DIP2A: variants seen among roughly 807,000 people sequenced by gnomAD.
The protein encoded by DIP2A is disco-interacting protein 2 homolog A.
In DIP2A, 85 loss-of-function variants were observed where a neutral mutation model predicts 177.4. The ratio of observed to expected loss-of-function variants is 0.48; its 90% CI spans 0.40 to 0.57. The LOEUF (loss-of-function observed/expected upper bound fraction) is 0.57. Among genes scored for constraint, DIP2A ranks in the 20% least tolerant of loss-of-function variants. The pLI is 0.00. For missense variants in DIP2A, 1,791 were observed against 2,100.2 expected, an observed-to-expected ratio of 0.85 and a Z score of 2.88; for synonymous variants, 886 against 881.8, an observed-to-expected ratio of 1.00 and a Z score of -0.08.
Position 46,554,553 on chromosome 21 carries a change from C to T in DIP2A, c.3155-22C>T, listed in dbSNP as rs749222227. The T allele has an allele frequency of 5.9e-5, 95 of 1,608,478 alleles. 1 individual carries two copies. In the South Asian group the frequency reaches 9.7e-4, roughly 17 times the overall value. On this transcript the variant is annotated intron_variant, in intron 26 of 37. Coordinates refer to ENST00000417564, the MANE Select transcript of DIP2A (RefSeq NM_015151.4). Reference sequence around the variant, plus strand: ...GAGCCTCTTGCGGCCGGCCTCCTCACAGCCAGTCCTTGTCTCCACAGGGGT... The same window carrying T: ...GAGCCTCTTGCGGCCGGCCTCCTCATAGCCAGTCCTTGTCTCCACAGGGGT...
intron 31 of DIP2A, 98 bp from the exon 32 acceptor site, chr21:46,558,125 C>T (rs2060532789): frequency 2.3e-6 from 3 of 1,304,762 alleles, no homozygotes; most frequent in African/African-American, 1.5e-5. Context: ...TCCAGCTCCA[C>T]CTCTGTGTGC....
intron 24 of DIP2A, 23 bp downstream of exon 24, chr21:46,551,766 G>T: frequency 2.5e-6 from 4 of 1,613,530 alleles, no homozygotes; most frequent in South Asian, 1.1e-5. Context: ...TTCCGGGGAC[G>T]GGTGGACGGG....
Position 46,568,039 on chromosome 21 carries a change from G to A in DIP2A, c.*417G>A, listed in dbSNP as rs1036534001. ...TGACAAGTTCATATATAGAATTTAC[G>A]GGAGAAACTTGAGACCATTTACGGG... On this transcript the variant is annotated 3_prime_UTR_variant, in exon 38 of 38. Coordinates refer to ENST00000417564, the MANE Select transcript of DIP2A (RefSeq NM_015151.4). 5.1e-5 allele frequency: 8 copies of A among 156,926 alleles called. No homozygotes were observed. The highest frequency in any genetic ancestry group is 1.4e-4 in the African/African-American group (6 of 41,578). 9.7% of individuals were successfully genotyped at this position (156,926 alleles called of 1,614,324 possible).
Position 46,508,421 on chromosome 21 carries a change from C to T in DIP2A, c.785-836C>T, listed in dbSNP as rs146699815. Among the ~76,000 whole-genome samples the T allele has an allele frequency of 3.1e-3, 444 of 143,790 alleles. 3 individuals carry two copies. The highest frequency in any genetic ancestry group is 0.011 in the African/African-American group (428 of 38,176). 94.3% of individuals were successfully genotyped at this position (143,790 alleles called of 152,430 possible). The stretch of plus-strand genomic sequence containing the variant: ...TCACCAAGGCTGGAGTGCAGTGGCG[C>T]AATCTCGGCTCACTGCAAGCTCCGC... On this transcript the variant is annotated intron_variant, in intron 6 of 37. Transcript: ENST00000417564.
chr21:46,528,150 T>G (rs909809751), intron 8 of DIP2A, among the ~76,000 whole-genome samples: 51 of 152,184 alleles, frequency 3.4e-4, no homozygotes, highest in African/African-American at 1.2e-3. Context: ...CCTTTGGATC[T>G]GTTGCTTTGG....
At chr21:46,484,911 A>G (rs1411022941) in intron 2 of DIP2A, 83 bp downstream of exon 2, 2 of 1,362,318 alleles carry the variant, frequency 1.5e-6, no homozygotes, top group Admixed American at 2.8e-5. Flanking sequence ...AGAGTTTAAC[A>G]TTTGTTAGCA....
chr21:46,579,214 G>A, the DIP2A span, among the ~76,000 whole-genome samples: 18,319 of 152,004 alleles, frequency 0.12, 1,466 homozygotes, highest in African/African-American at 0.22. Context: ...GAATTTATCA[G>A]TTTCTTCTAC....
At chr21:46,575,285 T>C in the DIP2A span, among the ~76,000 whole-genome samples, 2 of 152,074 alleles carry the variant, frequency 1.3e-5, no homozygotes, top group African/African-American at 4.8e-5. Context: ...TTCAACATAA[T>C]GAAGTCCATA....
At position 46,550,545 on chromosome 21, in the gene DIP2A, C is replaced by T. The variant is rs765776443; in HGVS notation, c.2640C>T (p.Ala880=). ...SFQWMSRVLQ[A]IDSIHQVGVY... ...CAAACAGGGTCCTTCCCTTTCAGGC[C>T]ATTGATAGCATCCACCAGGTGGGCG... The change falls in exon 23 of 38, where the codon GCC becomes GCT. Residue 880 remains alanine (A), a splice_region_variant and synonymous_variant. Coordinates refer to ENST00000417564, the MANE Select transcript of DIP2A (RefSeq NM_015151.4). 3.7e-6 allele frequency: 6 copies of T among 1,612,280 alleles called. No individual in the cohort carries two copies. In the South Asian group the frequency reaches 6.6e-5, roughly 18 times the overall value.
intron 1 of DIP2A, among the ~76,000 whole-genome samples, chr21:46,477,574 T>TGTGTGTA (rs1292980032): frequency 2.1e-5 from 2 of 93,724 alleles, no homozygotes; most frequent in Non-Finnish European, 5.1e-5. Context: ...TGTGTATTTC[T>TGTGTGTA]TTTTTTTTTT....
chr21:46,482,050 AAAAAAC>A (rs896071836), intron 1 of DIP2A, among the ~76,000 whole-genome samples: 26 of 152,312 alleles, frequency 1.7e-4, no homozygotes, highest in Admixed American at 4.6e-4. Context: ...CTCCGTCTCA[AAAAAAC>A]AAAAACAAAA....
intron 1 of DIP2A, among the ~76,000 whole-genome samples, chr21:46,482,874 T>G (rs2056442514): frequency 6.6e-6 from 1 of 152,220 alleles, no homozygotes; most frequent in South Asian, 2.1e-4. Context: ...TAATTGCCTC[T>G]CCTACACACA....
At chr21:46,548,372 A>G (rs1267617924) in intron 21 of DIP2A, among the ~76,000 whole-genome samples, 1 of 152,070 alleles carries the variant, frequency 6.6e-6, no homozygotes, top group Non-Finnish European at 1.5e-5. Context: ...TCGCAGGGCC[A>G]CCTGTACCTG....
At chr21:46,503,706 T>C (rs1282344313) in intron 5 of DIP2A, among the ~76,000 whole-genome samples, 2 of 147,008 alleles carry the variant, frequency 1.4e-5, no homozygotes, top group African/African-American at 5.3e-5. Flanking sequence ...TCTTTCTCTT[T>C]CCTTCCTTCC....
At chr21:46,577,719 T>C in the DIP2A span, among the ~76,000 whole-genome samples, 1 of 152,222 alleles carries the variant, frequency 6.6e-6, no homozygotes, top group Admixed American at 6.5e-5. Context: ...TACATTACTT[T>C]GGGGAGTATG....
chr21:46,566,828 G>A (rs2060852465), intron 37 of DIP2A, 145 bp downstream of exon 37: 2 of 1,118,398 alleles, frequency 1.8e-6, no homozygotes, highest in African/African-American at 1.5e-5. Flanking sequence ...CTGCAGTGGA[G>A]CTGGGTGCCA....
chr21:46,482,638 G>T (rs571033787), intron 1 of DIP2A, among the ~76,000 whole-genome samples: 15 of 147,138 alleles, frequency 1.0e-4, no homozygotes, highest in Admixed American at 3.3e-4. Flanking sequence ...ATTATAGGAA[G>T]TGTCAAGCTT....
intron 7 of DIP2A, among the ~76,000 whole-genome samples, chr21:46,510,871 G>C (rs1276863393): frequency 6.6e-6 from 1 of 152,060 alleles, no homozygotes; most frequent in African/African-American, 2.4e-5. Context: ...CTGACCTCAT[G>C]ATCCACCCGC....
At chr21:46,527,129 C>G (rs11911797) in intron 8 of DIP2A, among the ~76,000 whole-genome samples, 11,538 of 151,924 alleles carry the variant, frequency 0.076, 1,085 homozygotes, top group African/African-American at 0.23. Context: ...TTATTTTTCA[C>G]CTTTATTTTG....
Sources: gnomAD v4.1 joint callset for allele counts (sites outside exome capture counted in the v4.1 genomes callset) on GRCh38, gnomAD v4.1.1 for gene constraint, MANE v1.5 for transcripts, NCBI Gene and HGNC (gene_info 2026-07-23, HGNC 2026-07-21) for gene names.